The following TMEM132D variants were observed in gnomAD, a reference collection of about 807,000 sequenced individuals.
The protein encoded by TMEM132D is transmembrane protein 132D, also known as mature OL transmembrane protein.
A neutral mutation model predicts 62.3 loss-of-function variants in TMEM132D; 21 were observed. That is an observed-to-expected ratio of 0.34 (90% CI 0.24 to 0.49). The LOEUF is 0.49. Ranked by LOEUF, TMEM132D falls within the 20% of genes least tolerant of loss-of-function variation. The pLI, the probability that TMEM132D is intolerant of heterozygous loss-of-function variation, is 0.99. For missense variants in TMEM132D, 1,346 were observed against 1,402.8 expected, an observed-to-expected ratio of 0.96 and a Z score of 0.65; for synonymous variants, 621 against 575.6, an observed-to-expected ratio of 1.08 and a Z score of -1.13.
At chr12:129,158,269 G>A (rs902650214) in intron 5 of TMEM132D, among the ~76,000 whole-genome samples, 1 of 152,158 alleles carries the variant, frequency 6.6e-6, no homozygotes, top group African/African-American at 2.4e-5. Flanking sequence ...CTCTGTGTTT[G>A]CACACACGTG....
At chr12:129,417,974 G>C (rs571661029) in intron 3 of TMEM132D, among the ~76,000 whole-genome samples, 1 of 152,358 alleles carries the variant, frequency 6.6e-6, no homozygotes, top group Admixed American at 6.5e-5. Context: ...GGTCATTAGA[G>C]AAATGCAAAT....
intron 1 of TMEM132D, among the ~76,000 whole-genome samples, chr12:129,719,090 AAAAAAAAAAG>A (rs1424203753): frequency 5.9e-5 from 3 of 50,920 alleles, no homozygotes; most frequent in Non-Finnish European, 1.0e-4. Flanking sequence ...AATGAAAAAA[AAAAAAAAAAG>A]AAAAAAAGCT....
chr12:129,792,782 C>T (rs1007723419), intron 1 of TMEM132D, among the ~76,000 whole-genome samples: 1 of 152,162 alleles, frequency 6.6e-6, no homozygotes, highest in Non-Finnish European at 1.5e-5. Flanking sequence ...ATTGAACAGA[C>T]ATTATCGAAG....
intron 2 of TMEM132D, among the ~76,000 whole-genome samples, chr12:129,617,835 G>T (rs750874650): frequency 3.9e-5 from 6 of 152,052 alleles, no homozygotes; most frequent in Non-Finnish European, 7.4e-5. Flanking sequence ...CCTCCCAGGG[G>T]CCCCGCCACC....
intron 2 of TMEM132D, among the ~76,000 whole-genome samples, chr12:129,636,698 A>ATGTGTGTGTGTGTGTGTGTG (rs542826978): frequency 4.6e-5 from 5 of 107,858 alleles, no homozygotes; most frequent in Non-Finnish European, 7.7e-5. Flanking sequence ...TCATACAGAA[A>ATGTGTGTGTGTGTGTGTGTG]TGTGTGTGTG....
At chr12:129,424,534 ACT>A (rs1872432219) in intron 3 of TMEM132D, among the ~76,000 whole-genome samples, 1 of 151,586 alleles carries the variant, frequency 6.6e-6, no homozygotes, top group South Asian at 2.1e-4. Context: ...CCCCGTCTCT[ACT>A]CTCTATTAAA....
chr12:129,131,475 T>G (rs1278338258), intron 5 of TMEM132D, among the ~76,000 whole-genome samples: 3 of 152,088 alleles, frequency 2.0e-5, no homozygotes, highest in Admixed American at 6.6e-5. Flanking sequence ...AGCATGGTGG[T>G]GCATGCCTGT....
intron 3 of TMEM132D, among the ~76,000 whole-genome samples, chr12:129,384,746 G>A (rs1871056539): frequency 2.0e-5 from 3 of 152,150 alleles, no homozygotes; most frequent in African/African-American, 7.2e-5. Flanking sequence ...ACAGTCTCCA[G>A]GTGATGCGTT....
chr12:129,381,174 G>A (rs899639567), intron 3 of TMEM132D, among the ~76,000 whole-genome samples: 2 of 152,216 alleles, frequency 1.3e-5, no homozygotes, highest in African/African-American at 2.4e-5. Flanking sequence ...TGTATTCAAA[G>A]CCATCGTTGC....
intron 1 of TMEM132D, among the ~76,000 whole-genome samples, chr12:129,732,431 T>C (rs1400903969): frequency 6.6e-6 from 1 of 152,210 alleles, no homozygotes; most frequent in Non-Finnish European, 1.5e-5. Flanking sequence ...TCCCCAGTGC[T>C]GGAGGTATGA....
At chr12:129,420,614 G>T (rs1872290769) in intron 3 of TMEM132D, among the ~76,000 whole-genome samples, 1 of 152,176 alleles carries the variant, frequency 6.6e-6, no homozygotes, top group Non-Finnish European at 1.5e-5. Flanking sequence ...CCTGCAGGAA[G>T]TTACAAAGGC....
intron 1 of TMEM132D, among the ~76,000 whole-genome samples, chr12:129,736,813 CTTTTTT>C (rs34164181): frequency 7.9e-6 from 1 of 126,894 alleles, no homozygotes; most frequent in Non-Finnish European, 1.6e-5. Context: ...ATGATGGTGC[CTTTTTT>C]TTTTTTTTTT....
chr12:129,251,851 G>A (rs893676806), intron 4 of TMEM132D, among the ~76,000 whole-genome samples: 13 of 152,112 alleles, frequency 8.5e-5, no homozygotes, highest in African/African-American at 3.1e-4. Context: ...TTGGACCGTG[G>A]ATGCAGTGAC....
At chr12:129,750,181 G>A (rs1306199648) in intron 1 of TMEM132D, among the ~76,000 whole-genome samples, 1 of 151,978 alleles carries the variant, frequency 6.6e-6, no homozygotes, top group African/African-American at 2.4e-5. Context: ...CACCTCCCAG[G>A]TTCACGTCAT....
At chr12:129,501,592 C>T (rs936168101) in intron 3 of TMEM132D, among the ~76,000 whole-genome samples, 11 of 151,810 alleles carry the variant, frequency 7.2e-5, no homozygotes, top group Admixed American at 2.0e-4. Context: ...GCAACCTTGA[C>T]GTCCCTAACT....
At chr12:129,491,280 G>GC (rs1463715390) in intron 3 of TMEM132D, among the ~76,000 whole-genome samples, 2 of 152,158 alleles carry the variant, frequency 1.3e-5, no homozygotes, top group Non-Finnish European at 2.9e-5. Context: ...TCCATAAAAA[G>GC]CCCACGGCAA....
intron 3 of TMEM132D, among the ~76,000 whole-genome samples, chr12:129,527,573 ATCC>A (rs1876085483): frequency 6.6e-6 from 1 of 152,112 alleles, no homozygotes; most frequent in African/African-American, 2.4e-5. Flanking sequence ...AAGTATACTG[ATCC>A]TCCTTTCTAC....
rs1334408377 is a variant in TMEM132D at position 129,547,150 on chromosome 12, A to G, written c.969-15945T>C. ...CTGGTGGCAACCAGCACTCCTTGGC[A>G]TTCCTCACCCGGGGCAGCATCACCC... On this transcript the variant is annotated intron_variant, in intron 2 of 8. Coordinates refer to ENST00000422113, the MANE Select transcript of TMEM132D (RefSeq NM_133448.3). 2.6e-5 allele frequency among the ~76,000 whole-genome samples: 4 copies of G among 152,190 alleles called. No homozygotes were observed. The East Asian group carries it at 7.8e-4, about 30-fold the overall frequency.
At chr12:129,842,287 T>C (rs1468588329) in intron 1 of TMEM132D, among the ~76,000 whole-genome samples, 2 of 151,732 alleles carry the variant, frequency 1.3e-5, no homozygotes, top group Admixed American at 6.6e-5. Flanking sequence ...GACCCCACAA[T>C]TGCAACATCT....
Sources: gnomAD v4.1 joint callset for allele counts (sites outside exome capture counted in the v4.1 genomes callset) on GRCh38, gnomAD v4.1.1 for gene constraint, MANE v1.5 for transcripts, NCBI Gene and HGNC (gene_info 2026-07-23, HGNC 2026-07-21) for gene names.